The following MTMR3 variants were observed in gnomAD, a reference collection of about 807,000 sequenced individuals.
MTMR3 encodes phosphatidylinositol-3,5-bisphosphate 3-phosphatase MTMR3.
A neutral mutation model predicts 132.4 loss-of-function variants in MTMR3; 32 were observed. The observed-to-expected ratio is 0.24, with a 90% CI of 0.18 to 0.32. The LOEUF (loss-of-function observed/expected upper bound fraction) is 0.32. Among genes scored for constraint, MTMR3 ranks in the 10% least tolerant of loss-of-function variants. The pLI is 1.00. For missense variants in MTMR3, 1,216 were observed against 1,489.6 expected (o/e 0.82, Z 3.02); for synonymous variants, 556 against 550.3 (o/e 1.01, Z -0.14).
Position 30,025,739 on chromosome 22 carries a change from C to CA in MTMR3, c.3536dup (p.His1179GlnfsTer8). The CA allele has an allele frequency of 6.2e-7, 1 of 1,614,240 alleles. No homozygotes were observed. The highest frequency in any genetic ancestry group is 1.1e-5 in the South Asian group (1 of 91,088). ...ATGCAAGTCTTGCTATAGCAGCCTA[C>CA]ATCCCACAAGCTCCAGCATTGACCT... On this transcript the variant is annotated frameshift_variant, in exon 20 of 20. Transcript: ENST00000401950. LOFTEE classifies it high-confidence loss of function.
chr22:29,937,337 C>T (rs936293674), intron 1 of MTMR3, among the ~76,000 whole-genome samples: 10 of 152,068 alleles, frequency 6.6e-5, no homozygotes, highest in African/African-American at 9.7e-5. Flanking sequence ...CCTTTGGTCA[C>T]AGCAGTTTTG....
intron 1 of MTMR3, among the ~76,000 whole-genome samples, chr22:29,926,643 T>C (rs1336663688): frequency 6.6e-6 from 1 of 152,230 alleles, no homozygotes; most frequent in Non-Finnish European, 1.5e-5. Flanking sequence ...TGCCTAATGA[T>C]GCTGGGCATC....
chr22:29,942,092 A>G (rs1602523897), intron 1 of MTMR3, among the ~76,000 whole-genome samples: 1 of 152,162 alleles, frequency 6.6e-6, no homozygotes, highest in Non-Finnish European at 1.5e-5. Flanking sequence ...GTATCAGGCA[A>G]AATTCACCTC....
chr22:29,913,726 G>T (rs5763599), intron 1 of MTMR3, among the ~76,000 whole-genome samples: 9,297 of 146,402 alleles, frequency 0.064, 552 homozygotes, highest in South Asian at 0.28. Flanking sequence ...GGATATTGGG[G>T]TTTTTTTTTT....
intron 1 of MTMR3, among the ~76,000 whole-genome samples, chr22:29,945,176 C>G (rs567431646): frequency 6.6e-6 from 1 of 152,034 alleles, no homozygotes; most frequent in Non-Finnish European, 1.5e-5. Context: ...TGAGGCCTGG[C>G]GAATTTTTCA....
intron 8 of MTMR3, chr22:30,001,562 G>T (rs1291263185): frequency 6.6e-6 from 1 of 152,156 alleles, no homozygotes; most frequent in East Asian, 1.9e-4. Flanking sequence ...GAGTTTACCA[G>T]TTATACCTCA....
intron 5 of MTMR3, chr22:29,982,935 G>GTTTTTTTTTTTTTTT (rs368961635): frequency 7.6e-6 from 1 of 131,216 alleles, no homozygotes; most frequent in African/African-American, 3.0e-5. Context: ...TTAAAAGTTT[G>GTTTTTTTTTTTTTTT]TTTGTGTGTG....
intron 15 of MTMR3, 123 bp downstream of exon 15, chr22:30,016,821 G>C (rs541023889): frequency 8.5e-7 from 1 of 1,171,912 alleles, no homozygotes; most frequent in East Asian, 2.4e-5. Context: ...TGGATGGACT[G>C]GTTCCATTTT....
rs538947292 is a variant in MTMR3, at chr22:30,023,270, T to G, written c.3425+573T>G. ...TGTTGACTGTCTGGTGGATGTTCAG[T>G]GTTCTTAGAAGAGGAAGTTTATCTG... is the stretch of plus-strand genomic sequence containing the variant. On this transcript the variant is annotated intron_variant, in intron 19 of 19. Coordinates refer to ENST00000401950, the MANE Select transcript of MTMR3 (RefSeq NM_021090.4). 1.1e-4 allele frequency: 68 copies of G among 630,212 alleles called. 2 individuals are homozygous for G. In the South Asian group the frequency reaches 1.2e-3, roughly 11 times the overall value. 39.0% of individuals were successfully genotyped at this position (630,212 alleles called of 1,614,324 possible).
intron 1 of MTMR3, among the ~76,000 whole-genome samples, chr22:29,908,921 A>G (rs2065152281): frequency 6.6e-6 from 1 of 152,084 alleles, no homozygotes; most frequent in African/African-American, 2.4e-5. Flanking sequence ...TGTGCTTCCC[A>G]AAAGTTAAGA....
chr22:29,953,704 T>C (rs912779506), intron 1 of MTMR3, among the ~76,000 whole-genome samples: 2 of 152,196 alleles, frequency 1.3e-5, no homozygotes, highest in African/African-American at 4.8e-5. Context: ...TATGTGATGG[T>C]GAAAGTTTTA....
chr22:29,938,666 A>G (rs1243851079), intron 1 of MTMR3, among the ~76,000 whole-genome samples: 1 of 152,148 alleles, frequency 6.6e-6, no homozygotes, highest in Non-Finnish European at 1.5e-5. Context: ...TCTGATGTGG[A>G]ACCATATAGA....
At position 30,027,188 on chromosome 22, in the gene MTMR3, C is replaced by G. The variant is rs2067926879; in HGVS notation, c.*1387C>G. On this transcript the variant is annotated 3_prime_UTR_variant, in exon 20 of 20. Transcript: ENST00000401950. ...TGCCTGCCCTCCCTCTTGGGGAGGC[C>G]ATGCTTGACTCTGCTGAAAGCTGCT... The G allele has an allele frequency of 6.5e-6, 1 of 152,838 alleles. No homozygotes were observed. Among genetic ancestry groups the G allele is most frequent in the South Asian group, 2.1e-4 (1 of 4,834 alleles). 9.5% of individuals were successfully genotyped at this position (152,838 alleles called of 1,614,324 possible). A position where few individuals can be genotyped will look rare whatever the true frequency, so the allele number is the denominator to read the frequency against.
chr22:29,903,992 C>T (rs1171835010), intron 1 of MTMR3, among the ~76,000 whole-genome samples: 8 of 152,044 alleles, frequency 5.3e-5, no homozygotes, highest in Non-Finnish European at 1.2e-4. Flanking sequence ...AAAATACCTG[C>T]CTGGAAATAC....
chr22:30,022,829 T>A, intron 19 of MTMR3, 132 bp downstream of exon 19: 1 of 784,366 alleles, frequency 1.3e-6, no homozygotes, highest in Non-Finnish European at 2.0e-6. Context: ...CATCTTCCTG[T>A]GCCTCTGAAA....
At chr22:29,986,561 G>A (rs2066861983) in intron 5 of MTMR3, 12 of 983,248 alleles carry the variant, frequency 1.2e-5, no homozygotes, top group Non-Finnish European at 1.4e-5. Flanking sequence ...TGCATCAGTT[G>A]CAGTTTCTCA....
intron 1 of MTMR3, among the ~76,000 whole-genome samples, chr22:29,888,962 G>A (rs2064736970): frequency 6.6e-6 from 1 of 151,674 alleles, no homozygotes; most frequent in African/African-American, 2.4e-5. Flanking sequence ...TTAGTTTTCA[G>A]AATTATTCAT....
intron 18 of MTMR3, 45 bp from the exon 19 acceptor site, chr22:30,022,564 G>GA: frequency 6.5e-7 from 1 of 1,544,310 alleles, no homozygotes; most frequent in Non-Finnish European, 8.9e-7. Flanking sequence ...GCTCCAGCTG[G>GA]ATGGCCCATC....
chr22:29,960,424 T>A (rs1001369452), intron 2 of MTMR3, among the ~76,000 whole-genome samples: 10 of 152,200 alleles, frequency 6.6e-5, no homozygotes, highest in African/African-American at 2.4e-4. Context: ...GATATTTGTA[T>A]GCAAGCCTCT....
Sources: allele counts gnomAD v4.1 joint callset (sites outside exome capture counted in the v4.1 genomes callset), GRCh38; gene constraint gnomAD v4.1.1; transcripts MANE v1.5; gene names NCBI Gene and HGNC (gene_info 2026-07-23, HGNC 2026-07-21).